The following SLC10A7 variants were observed in gnomAD, a reference collection of about 807,000 sequenced individuals.
The protein encoded by SLC10A7 is solute carrier family 10 member 7, also known as sodium/bile acid cotransporter 7.
A neutral mutation model predicts 43.2 loss-of-function variants in SLC10A7; 29 were observed. The observed-to-expected ratio is 0.67, with a 90% CI of 0.50 to 0.92. SLC10A7 has a LOEUF of 0.92. SLC10A7 is among the 40% of genes least tolerant of loss of function. The pLI is 0.00. For synonymous variants in SLC10A7, 152 were observed against 144.8 expected, an observed-to-expected ratio of 1.05 and a Z score of -0.35; for missense variants, 295 against 403.2, an observed-to-expected ratio of 0.73 and a Z score of 2.30.
intron 5 of SLC10A7, among the ~76,000 whole-genome samples, chr4:146,401,985 C>T (rs1440274651): frequency 1.3e-5 from 2 of 152,110 alleles, no homozygotes; most frequent in South Asian, 2.1e-4. Flanking sequence ...ATCTATACCA[C>T]CACTACAAAA....
chr4:146,442,829 GA>G lies in SLC10A7; in HGVS notation c.397-9del, dbSNP rs754246395. The G allele has an allele frequency of 3.4e-5, 53 of 1,558,548 alleles. No individual in the cohort carries two copies. The highest frequency in any genetic ancestry group is 1.2e-4 in the Admixed American group (6 of 49,454). ...ATTAAATATTGCAGCTGCCTATGAA[GA>G]AAATAAATAGGGGAAAAAAACTCAT... On this transcript the variant is annotated splice_polypyrimidine_tract_variant and intron_variant, in intron 4 of 11. Coordinates refer to ENST00000335472, the MANE Select transcript of SLC10A7 (RefSeq NM_001029998.6).
intron 5 of SLC10A7, among the ~76,000 whole-genome samples, chr4:146,383,374 G>A (rs1056891737): frequency 6.6e-6 from 1 of 152,132 alleles, no homozygotes; most frequent in Non-Finnish European, 1.5e-5. Context: ...AGTCAGCTAT[G>A]ACAGGAAACA....
intron 5 of SLC10A7, among the ~76,000 whole-genome samples, chr4:146,386,931 A>G (rs1738046479): frequency 6.6e-6 from 1 of 152,342 alleles, no homozygotes; most frequent in African/African-American, 2.4e-5. Flanking sequence ...TCTCTTACAT[A>G]TAGGAGATAC....
chr4:146,375,462 A>T (rs959469254), intron 5 of SLC10A7, among the ~76,000 whole-genome samples: 1 of 152,116 alleles, frequency 6.6e-6, no homozygotes, highest in African/African-American at 2.4e-5. Flanking sequence ...TGTTACTCCT[A>T]CATGAGGCCA....
chr4:146,374,586 C>G (rs1279457274), intron 5 of SLC10A7, among the ~76,000 whole-genome samples: 1 of 146,094 alleles, frequency 6.8e-6, no homozygotes, highest in Non-Finnish European at 1.5e-5. Context: ...GAGACTGTCT[C>G]AAAAAAAATA....
intron 2 of SLC10A7, chr4:146,515,177 C>T (rs1253144807): frequency 1.0e-5 from 7 of 702,028 alleles, no homozygotes; most frequent in Non-Finnish European, 1.6e-5. Context: ...AATCAAGTTG[C>T]TTTCTGGATT....
chr4:146,370,260 C>A (rs1046258365), intron 5 of SLC10A7, among the ~76,000 whole-genome samples: 3 of 152,078 alleles, frequency 2.0e-5, no homozygotes, highest in Non-Finnish European at 4.4e-5. Flanking sequence ...ACAACTTGAC[C>A]ATTCTCTTCG....
intron 7 of SLC10A7, among the ~76,000 whole-genome samples, chr4:146,302,736 A>G (rs1308115199): frequency 6.6e-6 from 1 of 152,186 alleles, no homozygotes; most frequent in Non-Finnish European, 1.5e-5. Context: ...GGGATGTAAC[A>G]TTTATTCAGA....
At chr4:146,515,918 A>G (rs1213070959) in intron 2 of SLC10A7, among the ~76,000 whole-genome samples, 1 of 151,560 alleles carries the variant, frequency 6.6e-6, no homozygotes, top group Non-Finnish European at 1.5e-5. Flanking sequence ...TCAAAAAAAA[A>G]AAAAAAAAAA....
chr4:146,438,061 T>C (rs541246947), intron 5 of SLC10A7, among the ~76,000 whole-genome samples: 1 of 152,182 alleles, frequency 6.6e-6, no homozygotes, highest in East Asian at 1.9e-4. Flanking sequence ...CAAGTTATTA[T>C]TATTAAAACA....
intron 5 of SLC10A7, among the ~76,000 whole-genome samples, chr4:146,399,461 G>A (rs1317735638): frequency 6.6e-6 from 1 of 152,138 alleles, no homozygotes; most frequent in East Asian, 1.9e-4. Context: ...GCCAATGTGT[G>A]GAGTCAAAAT....
intron 4 of SLC10A7, among the ~76,000 whole-genome samples, chr4:146,462,671 G>A (rs967913791): frequency 6.6e-6 from 1 of 152,136 alleles, no homozygotes; most frequent in Non-Finnish European, 1.5e-5. Context: ...TCTTATTAAG[G>A]TTATCCTTCC....
intron 10 of SLC10A7, among the ~76,000 whole-genome samples, chr4:146,264,573 C>G (rs1158448299): frequency 1.3e-5 from 2 of 152,058 alleles, no homozygotes; most frequent in Non-Finnish European, 2.9e-5. Context: ...GACAAGGTGC[C>G]TACTTTCTTG....
intron 5 of SLC10A7, among the ~76,000 whole-genome samples, chr4:146,399,641 C>A (rs933540275): frequency 6.6e-6 from 1 of 152,022 alleles, no homozygotes; most frequent in African/African-American, 2.4e-5. Flanking sequence ...GAAAATAGAT[C>A]CGATAGCATT....
At chr4:146,379,371 A>G (rs962692086) in intron 5 of SLC10A7, among the ~76,000 whole-genome samples, 2 of 152,164 alleles carry the variant, frequency 1.3e-5, no homozygotes, top group African/African-American at 4.8e-5. Flanking sequence ...TTATTGATGC[A>G]GATTTATCAG....
At chr4:146,446,343 G>A (rs140700919) in intron 4 of SLC10A7, among the ~76,000 whole-genome samples, 5 of 152,150 alleles carry the variant, frequency 3.3e-5, no homozygotes, top group Non-Finnish European at 5.9e-5. Flanking sequence ...TTGGGAGGCC[G>A]AGGTGGGCAG....
chr4:146,451,028 A>C (rs994993193), intron 4 of SLC10A7, among the ~76,000 whole-genome samples: 2 of 151,902 alleles, frequency 1.3e-5, no homozygotes, highest in African/African-American at 2.4e-5. Context: ...AAGAAAAAAA[A>C]AACCAGACAG....
intron 10 of SLC10A7, among the ~76,000 whole-genome samples, chr4:146,278,664 A>G (rs1332401321): frequency 6.6e-6 from 1 of 152,190 alleles, no homozygotes; most frequent in Admixed American, 6.5e-5. Context: ...TTGCGCACAT[A>G]ATAGGGAAAC....
At chr4:146,458,607 C>T (rs1204889156) in intron 4 of SLC10A7, among the ~76,000 whole-genome samples, 1 of 151,812 alleles carries the variant, frequency 6.6e-6, no homozygotes, top group African/African-American at 2.4e-5. Flanking sequence ...ACTCACCTTA[C>T]AAAAATGGTG....
Sources: allele counts gnomAD v4.1 joint callset (sites outside exome capture counted in the v4.1 genomes callset), GRCh38; gene constraint gnomAD v4.1.1; transcripts MANE v1.5; gene names NCBI Gene and HGNC (gene_info 2026-07-23, HGNC 2026-07-21).